The following SPTAN1 variants were observed in gnomAD, a reference collection of about 807,000 sequenced individuals.
The protein encoded by SPTAN1 is spectrin alpha, non-erythrocytic 1.
Under a neutral mutation model 331.3 loss-of-function variants are expected in SPTAN1, and 61 were observed. The ratio of observed to expected loss-of-function variants is 0.18; its 90% CI spans 0.15 to 0.23. The LOEUF (loss-of-function observed/expected upper bound fraction) is 0.23, where lower values mean the gene tolerates loss of function less well. Ranked by LOEUF, SPTAN1 falls within the 10% of genes least tolerant of loss-of-function variation. SPTAN1 has a pLI of 1.00. For missense variants in SPTAN1, 2,043 were observed against 3,147.9 expected (o/e 0.65, Z 8.40); for synonymous variants, 1,153 against 1,173.9 (o/e 0.98, Z 0.36).
intron 2 of SPTAN1, among the ~76,000 whole-genome samples, chr9:128,567,327 T>C (rs977521561): frequency 6.6e-6 from 1 of 152,344 alleles, no homozygotes; most frequent in East Asian, 1.9e-4. Flanking sequence ...GTTGCGCTCA[T>C]GTCGCCCAGG....
At position 128,625,388 on chromosome 9, in the gene SPTAN1, C is replaced by T. The variant is rs1170623599; in HGVS notation, c.6069+209C>T. On this transcript the variant is annotated intron_variant, in intron 47 of 56. Coordinates refer to ENST00000372739, the MANE Select transcript of SPTAN1 (RefSeq NM_001130438.3). This position sits in a 1 kb window ranked among gnomAD's most constrained non-coding sequence, Gnocchi z 4.1. ...TCTGCAGCAGCCTGCTGGGTGCTGA[C>T]GGGACTGGGCACTGCAGGAGCACTC... Among the ~76,000 whole-genome samples the T allele has an allele frequency of 1.3e-5, 2 of 152,156 alleles. No individual in the cohort carries two copies. Among genetic ancestry groups the T allele is most frequent in the Admixed American group, 6.6e-5 (1 of 15,264 alleles).
chr9:128,606,988 A>G (rs1855980687), intron 31 of SPTAN1, among the ~76,000 whole-genome samples: 1 of 151,948 alleles, frequency 6.6e-6, no homozygotes, highest in Non-Finnish European at 1.5e-5. Context: ...GGAATCCTTT[A>G]TCTGCTTTCT....
At chr9:128,598,267 T>A in intron 24 of SPTAN1, 133 bp from the exon 25 acceptor site, 1 of 716,734 alleles carries the variant, frequency 1.4e-6, no homozygotes, top group Non-Finnish European at 2.4e-6. Flanking sequence ...ATTTTTTTAA[T>A]CCCCCCCTTT....
intron 1 of SPTAN1, among the ~76,000 whole-genome samples, chr9:128,554,221 A>C (rs1426460593): frequency 6.6e-6 from 1 of 152,164 alleles, no homozygotes; most frequent in African/African-American, 2.4e-5. Context: ...CTTGATGGAG[A>C]GACTGGAAAG....
rs1364665393 is a variant in SPTAN1, at chr9:128,611,780, G to A, written c.4840G>A (p.Val1614Ile). ...TGCCAACGCTGACCGGATCCGTGGG[G>A]TTATCGACATGGGCAACTCCCTCAT... is the stretch of plus-strand genomic sequence containing the variant. ...LHANADRIRGVIDMGNSLIER... is the reference protein window; with the variant it reads ...LHANADRIRGIIDMGNSLIER... Residue 1614 changes from valine (V) to isoleucine (I), a missense_variant, in exon 38 of 57, where the codon GTT becomes ATT. Transcript: ENST00000372739. 1.2e-6 allele frequency: 2 copies of A among 1,614,168 alleles called. No individual in the cohort carries two copies. The highest frequency in any genetic ancestry group is 1.3e-5 in the African/African-American group (1 of 75,052).
Position 128,626,660 on chromosome 9 carries a change from C to A in SPTAN1, c.6549C>A (p.Thr2183=), listed in dbSNP as rs116778543. 6.8e-4 allele frequency: 1,102 copies of A among 1,612,474 alleles called. 15 individuals are homozygous for A. In the African/African-American group the frequency reaches 0.012, roughly 18 times the overall value. ...TTACCATGGAGGCCCTGGAGGAGAC[C>A]TGGAGGAACCTACAGAAAATCATCA... ...TWFTMEALEE[T]WRNLQKIIKE... is the part of the protein sequence containing the mutation. Residue 2183 remains threonine (T), a synonymous_variant, in exon 49 of 57, where the codon ACC becomes ACA. Transcript: ENST00000372739.
chr9:128,575,342 A>T lies in SPTAN1; in HGVS notation c.648A>T (p.Ile216=). The T allele has an allele frequency of 1.2e-6, 2 of 1,611,298 alleles. No individual in the cohort carries two copies. The highest frequency in any genetic ancestry group is 2.2e-5 in the South Asian group (2 of 91,082). ...TGAACCAGTTTGCTGCCAAACTCAT[A>T]CAGGTAAATAGCAAAGTGCTGTATG... ...NEVNQFAAKL[I]QEQHPEEELI... The change falls in exon 5 of 57, where the codon ATA becomes ATT. Residue 216 remains isoleucine (I), a synonymous_variant. Transcript: ENST00000372739.
intron 1 of SPTAN1, chr9:128,555,367 ATGT>A (rs762572882): frequency 6.2e-6 from 8 of 1,289,220 alleles, no homozygotes; most frequent in Non-Finnish European, 8.1e-6. Context: ...TTCCTCCATC[ATGT>A]TGTCATCGTT....
chr9:128,588,742 G>C (rs1853020039), intron 20 of SPTAN1, 67 bp from the exon 21 acceptor site: 11 of 1,606,146 alleles, frequency 6.8e-6, no homozygotes, highest in South Asian at 2.2e-5. Context: ...ATTTGAATCT[G>C]CTCTGTACTT....
rs919463842 is a variant in SPTAN1 at position 128,609,056 on chromosome 9, G to A, written c.4596-66G>A. On this transcript the variant is annotated intron_variant, in intron 35 of 56. Coordinates refer to ENST00000372739, the MANE Select transcript of SPTAN1 (RefSeq NM_001130438.3). ...TCATACGAAGGCCCAGGCCTGTTCT[G>A]TCTCCCCACTTCCTTCTCCACGGTA... is the stretch of plus-strand genomic sequence containing the variant. 2.5e-6 allele frequency: 4 copies of A among 1,614,038 alleles called. No individual in the cohort carries two copies. The Admixed American group carries it at 6.7e-5, about 27-fold the overall frequency.
At position 128,590,547 on chromosome 9, in the gene SPTAN1, T is replaced by TAAAAAA. The variant is rs766776858; in HGVS notation, c.3007-929_3007-924dup. 4.8e-5 allele frequency among the ~76,000 whole-genome samples: 5 copies of TAAAAAA among 104,164 alleles called. 1 individual carries two copies. The highest frequency in any genetic ancestry group is 7.8e-5 in the African/African-American group (2 of 25,606). 68.3% of individuals were successfully genotyped at this position (104,164 alleles called of 152,430 possible). On this transcript the variant is annotated intron_variant, in intron 21 of 56. Transcript: ENST00000372739. ...AGCGAGACCTCATCTCTATTTATAT[T>TAAAAAA]AAAAAAGAAAAAAAAAAAAAAGGGC...
Position 128,612,219 on chromosome 9 carries a change from C to T in SPTAN1, c.5016C>T (p.Ile1672=), listed in dbSNP as rs774045397. 6.8e-6 allele frequency: 11 copies of T among 1,614,146 alleles called. No homozygotes were observed. In the South Asian group the frequency reaches 1.1e-4, roughly 16 times the overall value. Residue 1672 remains isoleucine (I), a synonymous_variant, in exon 39 of 57, where the codon ATC becomes ATT. Transcript: ENST00000372739. ...AGCAGCAGAACTTCAACACAGGGAT[C>T]AAGGACTTTGACTTCTGGCTGTCTG... ...ANKQQNFNTG[I]KDFDFWLSEV...
chr9:128,571,567 A>C (rs1850735115), intron 3 of SPTAN1, among the ~76,000 whole-genome samples: 1 of 152,238 alleles, frequency 6.6e-6, no homozygotes, highest in Non-Finnish European at 1.5e-5. Context: ...CTTGGGCAAC[A>C]AGAGCGAAAT....
intron 1 of SPTAN1, among the ~76,000 whole-genome samples, chr9:128,556,312 T>C (rs1047409920): frequency 6.6e-6 from 1 of 151,916 alleles, no homozygotes; most frequent in African/African-American, 2.4e-5. Flanking sequence ...AAAAAAAAAA[T>C]TTAGTATCTT....
chr9:128,606,483 AT>A (rs1855887028), intron 31 of SPTAN1, among the ~76,000 whole-genome samples: 4 of 19,654 alleles, frequency 2.0e-4, no homozygotes, highest in Non-Finnish European at 5.6e-4. Context: ...ATATATATAT[AT>A]ATATTTTTTT....
At position 128,584,536 on chromosome 9, in the gene SPTAN1, T is replaced by G. The variant is rs753034226; in HGVS notation, c.2437+11T>G. 1.9e-6 allele frequency: 3 copies of G among 1,614,116 alleles called. No homozygotes were observed. The highest frequency in any genetic ancestry group is 2.5e-6 in the Non-Finnish European group (3 of 1,180,002). On this transcript the variant is annotated intron_variant, in intron 17 of 56. Transcript: ENST00000372739. ...CATCTACCAACAGAGGTCAGTCTGC[T>G]TCCCTCAGGTAGGAATCAACTTGGG... is the stretch of plus-strand genomic sequence containing the variant.
At chr9:128,597,943 C>T (rs1350155060) in intron 24 of SPTAN1, among the ~76,000 whole-genome samples, 1 of 151,844 alleles carries the variant, frequency 6.6e-6, no homozygotes, top group Non-Finnish European at 1.5e-5. Flanking sequence ...GCCACCGCAC[C>T]CGGCCTGTTT....
rs746651127 is a variant in SPTAN1, at chr9:128,626,386, T to A, written c.6280-5T>A. 96 of 1,613,452 alleles carry A rather than the reference T, an allele frequency of 5.9e-5. 1 individual carries two copies. In the South Asian group the frequency reaches 6.8e-4, roughly 11 times the overall value. On this transcript the variant is annotated splice_polypyrimidine_tract_variant and splice_region_variant and intron_variant, in intron 48 of 56. Coordinates refer to ENST00000372739, the MANE Select transcript of SPTAN1 (RefSeq NM_001130438.3). ...CTCCGCCAACTCAGTCTCTTCTGCT[T>A]CCAGGTGGAGGACCTCTTCCTGACC...
rs140796315 is a variant in SPTAN1 at position 128,594,282 on chromosome 9, A to G, written c.3323A>G (p.Asn1108Ser). The G allele has an allele frequency of 1.1e-5, 17 of 1,614,188 alleles. No individual in the cohort carries two copies. Among genetic ancestry groups the G allele is most frequent in the South Asian group, 7.7e-5 (7 of 91,084 alleles). ...GCGAATGAACTACAGCAATGGATCAATGAGAAGGAAGCCGCTCTGACAAGT... is the reference window on the plus strand; with the variant it reads ...GCGAATGAACTACAGCAATGGATCAGTGAGAAGGAAGCCGCTCTGACAAGT... ...REANELQQWI[N>S]EKEAALTSEE... Residue 1108 changes from asparagine (N) to serine (S), a missense_variant, in exon 24 of 57, where the codon AAT becomes AGT. Asn to Ser is a conservative substitution (Grantham distance 46, BLOSUM62 1). This residue lies in a region of SPTAN1 where 1,038 missense variants were observed against 1,531.5 expected (regional missense o/e 0.68). Transcript: ENST00000372739.
Sources: allele counts gnomAD v4.1 joint callset (sites outside exome capture counted in the v4.1 genomes callset), GRCh38; gene constraint gnomAD v4.1.1; regional missense constraint gnomAD v4.1.1; non-coding constraint Gnocchi (gnomAD v3.1); transcripts MANE v1.5; gene names NCBI Gene and HGNC (gene_info 2026-07-23, HGNC 2026-07-21).